SPATA13: variants seen among roughly 807,000 people sequenced by gnomAD.
The protein encoded by SPATA13 is spermatogenesis-associated protein 13.
In SPATA13, 50 loss-of-function variants were observed where a neutral mutation model predicts 104.0. The ratio of observed to expected loss-of-function variants is 0.48; its 90% confidence interval spans 0.38 to 0.61. The LOEUF is 0.61. Among genes scored for constraint, SPATA13 ranks in the 20% least tolerant of loss-of-function variants. The probability of loss-of-function intolerance (pLI) is 0.00; values close to 1 mark genes in which losing one functional copy is unlikely to be tolerated. For synonymous variants in SPATA13, 606 were observed against 667.5 expected, an observed-to-expected ratio of 0.91 and a Z score of 1.42; for missense variants, 1,524 against 1,690.6, an observed-to-expected ratio of 0.90 and a Z score of 1.73.
At chr13:24,151,536 G>A (rs1319848529) in intron 3 of SPATA13, among the ~76,000 whole-genome samples, 1 of 152,180 alleles carries the variant, frequency 6.6e-6, no homozygotes, top group African/African-American at 2.4e-5. Flanking sequence ...TTATATACAT[G>A]AAAGTCCTGT....
chr13:24,153,075 G>A (rs1882151025), intron 3 of SPATA13, among the ~76,000 whole-genome samples: 1 of 152,192 alleles, frequency 6.6e-6, no homozygotes. Context: ...GTCTACTTAG[G>A]ACCTCTGAGT....
At position 24,249,885 on chromosome 13, in the gene SPATA13, C is replaced by A. The variant is rs757990605; in HGVS notation, c.2019+43C>A. 2.0e-6 allele frequency: 3 copies of A among 1,538,440 alleles called. No homozygotes were observed. The South Asian group carries it at 3.8e-5, about 20-fold the overall frequency. Reference sequence around the variant, plus strand: ...CTTCCCCAAGCCAGCAGAGGCCCTCCAGCTTCCTGCCTCTATTCTGTCTGC... The same window carrying A: ...CTTCCCCAAGCCAGCAGAGGCCCTCAAGCTTCCTGCCTCTATTCTGTCTGC... On this transcript the variant is annotated intron_variant, in intron 3 of 12. Transcript: ENST00000382108.
intron 1 of SPATA13, among the ~76,000 whole-genome samples, chr13:23,982,983 G>A (rs1385257031): frequency 6.6e-6 from 1 of 152,212 alleles, no homozygotes; most frequent in African/African-American, 2.4e-5. Context: ...AAAGACAAAG[G>A]GGCAGGGCCA....
chr13:24,176,898 G>A (rs1280402689), intron 1 of SPATA13, among the ~76,000 whole-genome samples: 1 of 152,072 alleles, frequency 6.6e-6, no homozygotes, highest in East Asian at 1.9e-4. Flanking sequence ...TGAGTAGCTG[G>A]GACCACAGAC....
At chr13:24,065,943 T>A (rs1878946073) in intron 3 of SPATA13, among the ~76,000 whole-genome samples, 1 of 152,256 alleles carries the variant, frequency 6.6e-6, no homozygotes, top group African/African-American at 2.4e-5. Flanking sequence ...CTGAGCTACA[T>A]GTTGTCACAG....
At chr13:24,302,492 A>AAT in intron 12 of SPATA13, 106 bp from the exon 13 acceptor site, 2 of 471,916 alleles carry the variant, frequency 4.2e-6, no homozygotes, top group Non-Finnish European at 7.5e-6. Context: ...AAAAAAAAGA[A>AAT]TTAGCTGAGA....
chr13:24,128,020 T>C (rs1340917477), intron 3 of SPATA13, among the ~76,000 whole-genome samples: 1 of 152,226 alleles, frequency 6.6e-6, no homozygotes, highest in Non-Finnish European at 1.5e-5. Context: ...CACACAATGA[T>C]CTTTTGATGT....
chr13:24,145,700 CAT>C (rs1321562661), intron 3 of SPATA13, among the ~76,000 whole-genome samples: 2 of 152,206 alleles, frequency 1.3e-5, no homozygotes, highest in African/African-American at 2.4e-5. Context: ...GCAGTGGAAA[CAT>C]AGCTCAGGTG....
intron 1 of SPATA13, among the ~76,000 whole-genome samples, chr13:24,217,908 C>T (rs968684579): frequency 2.0e-5 from 3 of 152,188 alleles, no homozygotes; most frequent in African/African-American, 7.2e-5. Flanking sequence ...CACCACTGCC[C>T]ACTGCCAAAC....
chr13:24,297,368 G>A lies in SPATA13; in HGVS notation c.3216G>A (p.Leu1072=), dbSNP rs577073449. 216 of 1,607,750 alleles carry A rather than the reference G, an allele frequency of 1.3e-4. 2 individuals carry two copies. The South Asian group carries it at 2.3e-3, about 17-fold the overall frequency. Residue 1072 remains leucine, a synonymous_variant, in exon 11 of 13, where the codon CTG becomes CTA. Transcript: ENST00000382108. ...ATGTGTTTTCATCCTTCCAGGGACT[G>A]GATATCTTAGACCGAAGCTCAGAAT... is the stretch of plus-strand genomic sequence containing the variant. ...WQVSIVGWEG[L]DILDRSSELI...
intron 1 of SPATA13, among the ~76,000 whole-genome samples, chr13:24,216,778 TG>T (rs1871278330): frequency 6.6e-6 from 1 of 152,190 alleles, no homozygotes; most frequent in African/African-American, 2.4e-5. Flanking sequence ...TGGCTGGGCA[TG>T]GTGGCTCATG....
At chr13:24,193,541 A>G (rs1018800248) in intron 1 of SPATA13, among the ~76,000 whole-genome samples, 1 of 152,072 alleles carries the variant, frequency 6.6e-6, no homozygotes, top group Non-Finnish European at 1.5e-5. Context: ...GCTCAGGCAC[A>G]TGGAGTTGCT....
At chr13:24,119,820 C>T (rs917994521) in intron 3 of SPATA13, among the ~76,000 whole-genome samples, 5 of 152,202 alleles carry the variant, frequency 3.3e-5, no homozygotes, top group Non-Finnish European at 5.9e-5. Context: ...CAGCCCCCAC[C>T]GTGCATGGCA....
chr13:24,091,037 T>G (rs1380885359), intron 3 of SPATA13, among the ~76,000 whole-genome samples: 2 of 152,258 alleles, frequency 1.3e-5, no homozygotes, highest in African/African-American at 4.8e-5. Flanking sequence ...AGCCTAGTGG[T>G]TGCCTAATGA....
chr13:24,179,906 A>G (rs538100021), intron 1 of SPATA13, among the ~76,000 whole-genome samples: 1 of 152,342 alleles, frequency 6.6e-6, no homozygotes, highest in Admixed American at 6.5e-5. Flanking sequence ...TATCCTGGAT[A>G]GCAGACTCCT....
At chr13:24,158,870 G>A (rs942031764), upstream of SPATA13, among the ~76,000 whole-genome samples, 3 of 152,098 alleles carry the variant, frequency 2.0e-5, no homozygotes, top group Admixed American at 6.5e-5. Flanking sequence ...TCAAGGATGC[G>A]GGGGTCTTCA....
At chr13:24,235,404 A>C (rs1423055399) in intron 2 of SPATA13, among the ~76,000 whole-genome samples, 1 of 152,174 alleles carries the variant, frequency 6.6e-6, no homozygotes, top group East Asian at 1.9e-4. Flanking sequence ...GAAGCCAGGG[A>C]GGCATGCCGG....
At chr13:24,008,652 A>G (rs1259822770) in intron 2 of SPATA13, among the ~76,000 whole-genome samples, 1 of 152,058 alleles carries the variant, frequency 6.6e-6, no homozygotes. Context: ...GAGAAGGGGA[A>G]CACTGGAGGA....
At chr13:24,240,105 G>T (rs1311841780) in intron 2 of SPATA13, among the ~76,000 whole-genome samples, 2 of 151,928 alleles carry the variant, frequency 1.3e-5, no homozygotes, top group African/African-American at 4.8e-5. Flanking sequence ...AGGAGCTCAA[G>T]ACCAGCCTGG....
Sources: allele counts gnomAD v4.1 joint callset (sites outside exome capture counted in the v4.1 genomes callset), GRCh38; gene constraint gnomAD v4.1.1; transcripts MANE v1.5; gene names NCBI Gene and HGNC (gene_info 2026-07-23, HGNC 2026-07-21).